Variants in PTPRM observed in about 807,000 individuals in gnomAD.
The protein encoded by PTPRM is protein tyrosine phosphatase receptor type M.
A neutral mutation model predicts 186.7 loss-of-function variants in PTPRM; 47 were observed. The observed-to-expected ratio is 0.25, with a 90% CI of 0.20 to 0.32. PTPRM has a LOEUF of 0.32. Ranked by LOEUF, PTPRM falls within the 10% of genes least tolerant of loss-of-function variation. The pLI, the probability that PTPRM is intolerant of heterozygous loss-of-function variation, is 1.00. For missense variants in PTPRM, 1,494 were observed against 1,865.0 expected, an observed-to-expected ratio of 0.80 and a Z score of 3.66; for synonymous variants, 668 against 674.9, an observed-to-expected ratio of 0.99 and a Z score of 0.16.
intron 14 of PTPRM, among the ~76,000 whole-genome samples, chr18:8,239,673 TG>T (rs1321288524): frequency 6.6e-6 from 1 of 152,166 alleles, no homozygotes; most frequent in African/African-American, 2.4e-5. Context: ...CTCTCCAATT[TG>T]GGGGGCAGTG....
intron 13 of PTPRM, among the ~76,000 whole-genome samples, chr18:8,118,224 T>C (rs1177578710): frequency 6.6e-6 from 1 of 152,258 alleles, no homozygotes; most frequent in African/African-American, 2.4e-5. Context: ...TTTCATAATA[T>C]GTTAGCACCG....
intron 23 of PTPRM, among the ~76,000 whole-genome samples, chr18:8,360,146 CA>C (rs1189204549): frequency 6.6e-6 from 1 of 152,164 alleles, no homozygotes; most frequent in Non-Finnish European, 1.5e-5. Flanking sequence ...AACAAAGTGG[CA>C]AAGACATCAG....
intron 13 of PTPRM, among the ~76,000 whole-genome samples, chr18:8,120,425 G>T (rs941937471): frequency 7.4e-5 from 11 of 148,940 alleles, no homozygotes; most frequent in African/African-American, 2.7e-4. Flanking sequence ...GTAACTTTTT[G>T]TTCATATTGT....
intron 4 of PTPRM, among the ~76,000 whole-genome samples, chr18:7,916,984 G>A (rs972812551): frequency 4.6e-5 from 7 of 152,064 alleles, no homozygotes; most frequent in African/African-American, 1.7e-4. Context: ...AACCACTCTT[G>A]ACTTCTGAGA....
chr18:7,567,887 C>G lies in PTPRM; in HGVS notation c.69C>G (p.Phe23Leu). 1 of 1,557,828 alleles carries G rather than the reference C, an allele frequency of 6.4e-7. No homozygotes were observed. The highest frequency in any genetic ancestry group is 8.6e-7 in the Non-Finnish European group (1 of 1,157,202). The change falls in exon 1 of 33, where the codon TTC (phenylalanine) becomes TTG (leucine). Residue 23 changes from phenylalanine to leucine, a missense_variant. By Grantham distance (22) the Phe-to-Leu change is conservative. Coordinates refer to ENST00000580170, the MANE Select transcript of PTPRM (RefSeq NM_001105244.2). This position sits in a 1 kb window ranked among gnomAD's most constrained non-coding sequence, Gnocchi z 4.3. ...TGCTAACTGCGGCGGGCGAGACGTT[C>G]TCAGGTAAGCGGGACCGCCTCTGCC... ...GLLLTAAGET[F>L]SGGCLFDEPY...
At chr18:7,631,123 A>G (rs2038181105) in intron 1 of PTPRM, among the ~76,000 whole-genome samples, 1 of 152,198 alleles carries the variant, frequency 6.6e-6, no homozygotes, top group South Asian at 2.1e-4. Flanking sequence ...AACAAATGTA[A>G]GACTTTAATT....
At chr18:8,064,227 C>CCTTTA (rs562539220) in intron 7 of PTPRM, among the ~76,000 whole-genome samples, 1 of 152,062 alleles carries the variant, frequency 6.6e-6, no homozygotes, top group Non-Finnish European at 1.5e-5. Flanking sequence ...AGTTTACTTA[C>CCTTTA]CTTTACAATT....
At chr18:8,015,014 C>T (rs2084770859) in intron 7 of PTPRM, among the ~76,000 whole-genome samples, 1 of 152,116 alleles carries the variant, frequency 6.6e-6, no homozygotes, top group South Asian at 2.1e-4. Context: ...AGAACTTATT[C>T]TGATAAGCTC....
intron 31 of PTPRM, among the ~76,000 whole-genome samples, chr18:8,391,229 G>A (rs529858534): frequency 9.9e-5 from 15 of 152,252 alleles, no homozygotes; most frequent in South Asian, 2.1e-4. Flanking sequence ...AAACATATAC[G>A]CAGTCTGAGG....
At chr18:8,298,094 G>A (rs767889014) in intron 20 of PTPRM, among the ~76,000 whole-genome samples, 11 of 152,182 alleles carry the variant, frequency 7.2e-5, no homozygotes, top group Non-Finnish European at 1.2e-4. Context: ...GTAGTCTAGC[G>A]CCGTGACACA....
At chr18:8,195,816 T>G (rs2093770696) in intron 14 of PTPRM, among the ~76,000 whole-genome samples, 1 of 152,016 alleles carries the variant, frequency 6.6e-6, no homozygotes, top group Admixed American at 6.6e-5. Context: ...ATGGTTACAC[T>G]GAAAGCCCAG....
At chr18:7,759,087 G>C (rs1037838913) in intron 1 of PTPRM, among the ~76,000 whole-genome samples, 2 of 152,126 alleles carry the variant, frequency 1.3e-5, no homozygotes, top group Non-Finnish European at 2.9e-5. Context: ...TTTGATCATT[G>C]GTTTAAACCT....
intron 4 of PTPRM, among the ~76,000 whole-genome samples, chr18:7,907,992 T>C (rs1184261734): frequency 1.3e-5 from 2 of 152,148 alleles, no homozygotes; most frequent in Non-Finnish European, 2.9e-5. Context: ...TATGAACATT[T>C]AGTGTTTCCC....
chr18:8,115,600 A>G (rs889989123), intron 13 of PTPRM, among the ~76,000 whole-genome samples: 8 of 152,216 alleles, frequency 5.3e-5, no homozygotes, highest in Admixed American at 6.5e-5. Context: ...GTCAAATACA[A>G]TCATTTAGAT....
chr18:7,927,552 C>T (rs2051247390), intron 5 of PTPRM, among the ~76,000 whole-genome samples: 1 of 151,772 alleles, frequency 6.6e-6, no homozygotes, highest in Non-Finnish European at 1.5e-5. Flanking sequence ...TTTAACCCTT[C>T]TGTGTACGCG....
intron 2 of PTPRM, among the ~76,000 whole-genome samples, chr18:7,875,448 C>T (rs780395578): frequency 2.0e-5 from 3 of 151,674 alleles, no homozygotes; most frequent in Non-Finnish European, 2.9e-5. Flanking sequence ...CTCAGCCTCC[C>T]GAGTAGCTGG....
chr18:7,592,938 A>G (rs1321093740), intron 1 of PTPRM, among the ~76,000 whole-genome samples: 1 of 152,164 alleles, frequency 6.6e-6, no homozygotes, highest in African/African-American at 2.4e-5. Context: ...TGAGAGGTGA[A>G]AAGGAAAATG....
Position 8,355,946 on chromosome 18 carries a change from A to G in PTPRM, c.3054+12426A>G, listed in dbSNP as rs534795594. ...CACTGTGCTCAGGATTCTAATAACA[A>G]GGATAGAACCTCCGACTCCCAAAGG... On this transcript the variant is annotated intron_variant, in intron 23 of 32. Transcript: ENST00000580170. 2.0e-5 allele frequency among the ~76,000 whole-genome samples: 3 copies of G among 152,282 alleles called. No homozygotes were observed. In the South Asian group the frequency reaches 6.2e-4, roughly 32 times the overall value.
At chr18:8,268,948 TAA>T (rs1424894314) in intron 19 of PTPRM, among the ~76,000 whole-genome samples, 5 of 151,922 alleles carry the variant, frequency 3.3e-5, no homozygotes, top group African/African-American at 1.2e-4. Flanking sequence ...AGGCCGTATA[TAA>T]AGTTTCCAGC....
Sources: allele counts gnomAD v4.1 joint callset (sites outside exome capture counted in the v4.1 genomes callset), GRCh38; gene constraint gnomAD v4.1.1; non-coding constraint Gnocchi (gnomAD v3.1); transcripts MANE v1.5; gene names NCBI Gene and HGNC (gene_info 2026-07-23, HGNC 2026-07-21).